PBX1: variants seen among roughly 807,000 people sequenced by gnomAD.
PBX1 encodes PBX homeobox 1.
In PBX1, 6 loss-of-function variants were observed where a neutral mutation model predicts 53.4. The observed-to-expected ratio is 0.11, with a 90% CI of 0.06 to 0.22. PBX1 has a LOEUF of 0.22. Among genes scored for constraint, PBX1 ranks in the 10% least tolerant of loss-of-function variants. PBX1 has a pLI of 1.00. For missense variants in PBX1, 251 were observed against 551.4 expected, an observed-to-expected ratio of 0.46 and a Z score of 5.46; for synonymous variants, 204 against 212.3, an observed-to-expected ratio of 0.96 and a Z score of 0.34.
chr1:164,626,144 T>G, intron 2 of PBX1: 3 of 991,758 alleles, frequency 3.0e-6, no homozygotes, highest in Non-Finnish European at 3.6e-6. Flanking sequence ...TGACTTGAGA[T>G]GCATATACCA....
intron 2 of PBX1, among the ~76,000 whole-genome samples, chr1:164,885,951 T>A (rs951373054): frequency 6.6e-6 from 1 of 152,158 alleles, no homozygotes; most frequent in African/African-American, 2.4e-5. Context: ...CTAGAATGTA[T>A]GCTCTATAAG....
intron 2 of PBX1, among the ~76,000 whole-genome samples, chr1:164,773,643 G>A (rs1571378997): frequency 6.6e-6 from 1 of 152,052 alleles, no homozygotes; most frequent in Non-Finnish European, 1.5e-5. Flanking sequence ...TAGGACGAGC[G>A]GCCTGTGGCA....
chr1:164,595,529 G>T (rs1223315322), intron 2 of PBX1, among the ~76,000 whole-genome samples: 1 of 151,654 alleles, frequency 6.6e-6, no homozygotes, highest in Non-Finnish European at 1.5e-5. Context: ...AAGGAGAAGA[G>T]GAGCCATTTA....
At chr1:164,708,607 A>G (rs1318400683) in intron 2 of PBX1, among the ~76,000 whole-genome samples, 2 of 152,080 alleles carry the variant, frequency 1.3e-5, no homozygotes, top group Admixed American at 1.3e-4. Context: ...ACGTTCATGT[A>G]TACCCATTGT....
At chr1:164,729,279 T>G (rs1056534482) in intron 2 of PBX1, among the ~76,000 whole-genome samples, 5 of 152,216 alleles carry the variant, frequency 3.3e-5, no homozygotes, top group African/African-American at 1.2e-4. Flanking sequence ...CCCTAAATGA[T>G]AACCTATTGA....
intron 5 of PBX1, among the ~76,000 whole-genome samples, chr1:164,808,849 T>C (rs537689721): frequency 1.4e-4 from 22 of 152,320 alleles, no homozygotes; most frequent in African/African-American, 4.8e-4. Context: ...TAAAGCAGAA[T>C]GAATTGACTC....
chr1:164,703,245 G>T (rs975773980), intron 2 of PBX1: 1 of 152,094 alleles, frequency 6.6e-6, no homozygotes, highest in African/African-American at 2.4e-5. Context: ...AGAATTCTTG[G>T]GCTGGAGTGA....
chr1:164,615,912 G>A (rs1657246119), intron 2 of PBX1, among the ~76,000 whole-genome samples: 1 of 152,162 alleles, frequency 6.6e-6, no homozygotes, highest in Non-Finnish European at 1.5e-5. Flanking sequence ...GATATGCCTG[G>A]AAGGGTCGCA....
At chr1:164,666,281 A>G (rs1293031370) in intron 2 of PBX1, among the ~76,000 whole-genome samples, 1 of 152,202 alleles carries the variant, frequency 6.6e-6, no homozygotes, top group Admixed American at 6.5e-5. Flanking sequence ...GATGGAAAGG[A>G]AAGAGGCTCT....
At chr1:164,712,005 G>GC (rs1411435320) in intron 2 of PBX1, among the ~76,000 whole-genome samples, 21 of 150,900 alleles carry the variant, frequency 1.4e-4, no homozygotes, top group Admixed American at 7.9e-4. Flanking sequence ...GTTTTTGTGT[G>GC]CCCCCCCACC....
At chr1:164,788,748 G>A (rs934380339) in intron 2 of PBX1, among the ~76,000 whole-genome samples, 1 of 70,074 alleles carries the variant, frequency 1.4e-5, no homozygotes, top group African/African-American at 5.9e-5. Context: ...TCTACCCGCC[G>A]CCCTCCCCCC....
rs199768648 is a variant in PBX1 at position 164,656,856 on chromosome 1, A to AT, written c.265+93546dup. 5.6e-3 allele frequency among the ~76,000 whole-genome samples: 845 copies of AT among 152,222 alleles called. 5 individuals are homozygous for AT. Among genetic ancestry groups the AT allele is most frequent in the African/African-American group, 0.019 (789 of 41,510 alleles). On this transcript the variant is annotated intron_variant, in intron 2 of 8. Coordinates refer to ENST00000420696, the MANE Select transcript of PBX1 (RefSeq NM_002585.4). ...ATCCTATTACATATATTATATTATC[A>AT]TACTATACCAAGAATAGATAATATT... is the stretch of plus-strand genomic sequence containing the variant.
In PBX1 at chr1:164,821,968, A is replaced by G. The variant is rs79920462; in HGVS notation, c.1200+342A>G. On this transcript the variant is annotated intron_variant, in intron 8 of 8. Coordinates refer to ENST00000420696, the MANE Select transcript of PBX1 (RefSeq NM_002585.4). ...ATGTGACCACAAGCTGGGGCCTGGG[A>G]ACCTGGGAGGTGAAACCAGTAGCCA... Among the ~76,000 whole-genome samples the G allele has an allele frequency of 1.6e-3, 238 of 152,306 alleles. 4 individuals carry two copies. The East Asian group carries it at 0.045, about 29-fold the overall frequency.
In PBX1 at chr1:164,821,590, C is replaced by T. The variant is rs143289090; in HGVS notation, c.1164C>T (p.Leu388=). Residue 388 remains leucine (L), a synonymous_variant, in exon 8 of 9, where the codon CTC becomes CTT. Coordinates refer to ENST00000420696, the MANE Select transcript of PBX1 (RefSeq NM_002585.4). ...AGACAGGAGGATACAGTGATGGACT[C>T]GCAGCCAGTCAGATGTACAGTCCGC... The part of the protein sequence containing the change: ...ISQTGGYSDG[L]AASQMYSPQG... 1.6e-5 allele frequency: 26 copies of T among 1,613,872 alleles called. No homozygotes were observed. The highest frequency in any genetic ancestry group is 3.3e-4 in the Middle Eastern group (2 of 6,084).
chr1:164,689,753 C>T (rs759672671), intron 2 of PBX1, among the ~76,000 whole-genome samples: 41 of 152,110 alleles, frequency 2.7e-4, no homozygotes, highest in Admixed American at 2.0e-4. Context: ...CTCAGTGAAT[C>T]GATGTTCTGG....
intron 2 of PBX1, among the ~76,000 whole-genome samples, chr1:164,650,792 T>C (rs1659759665): frequency 6.6e-6 from 1 of 151,904 alleles, no homozygotes; most frequent in Non-Finnish European, 1.5e-5. Flanking sequence ...ATTTTCATCA[T>C]CATCCTCCAC....
chr1:164,867,944 C>T (rs1371677423), intron 2 of PBX1, among the ~76,000 whole-genome samples: 1 of 152,240 alleles, frequency 6.6e-6, no homozygotes, highest in Non-Finnish European at 1.5e-5. Flanking sequence ...CCAGCATTAT[C>T]TTCTTTTCAT....
Position 164,707,844 on chromosome 1 carries a change from T to C in PBX1, c.266-84650T>C, listed in dbSNP as rs943649581. ...TAATTTCCCACTAAATAGAGATCAC[T>C]GTGAGGACTAAGAACCAAGCAAATG... On this transcript the variant is annotated intron_variant, in intron 2 of 8. Transcript: ENST00000420696. 2.0e-5 allele frequency among the ~76,000 whole-genome samples: 3 copies of C among 152,300 alleles called. No homozygotes were observed. The East Asian group carries it at 5.8e-4, about 29-fold the overall frequency.
chr1:164,878,242 G>T (rs1375105456), intron 2 of PBX1, among the ~76,000 whole-genome samples: 3 of 152,056 alleles, frequency 2.0e-5, no homozygotes, highest in Non-Finnish European at 4.4e-5. Flanking sequence ...ACATTATAGG[G>T]TTACTGTGAG....
Sources: gnomAD v4.1 joint callset for allele counts (sites outside exome capture counted in the v4.1 genomes callset) on GRCh38, gnomAD v4.1.1 for gene constraint, MANE v1.5 for transcripts, NCBI Gene and HGNC (gene_info 2026-07-23, HGNC 2026-07-21) for gene names.